The following FBXL17 variants were observed in gnomAD, a reference collection of about 807,000 sequenced individuals.
FBXL17 encodes the protein F-box/LRR-repeat protein 17.
Under a neutral mutation model 66.2 loss-of-function variants are expected in FBXL17, and 22 were observed. The ratio of observed to expected loss-of-function variants is 0.33; its 90% CI spans 0.24 to 0.47. The LOEUF is 0.47. Among genes scored for constraint, FBXL17 ranks in the 20% least tolerant of loss-of-function variants. FBXL17 has a pLI of 1.00. For missense variants in FBXL17, 878 were observed against 948.2 expected, an observed-to-expected ratio of 0.93 and a Z score of 0.97; for synonymous variants, 474 against 400.5, an observed-to-expected ratio of 1.18 and a Z score of -2.19.
intron 4 of FBXL17, among the ~76,000 whole-genome samples, chr5:108,322,344 C>T (rs1034894999): frequency 3.3e-5 from 5 of 151,808 alleles, no homozygotes; most frequent in African/African-American, 1.2e-4. Context: ...TTCTAGACAA[C>T]ACTTTCAGAG....
Position 108,292,191 on chromosome 5 carries a change from G to A in FBXL17, c.1506+56208C>T, listed in dbSNP as rs138260404. Among the ~76,000 whole-genome samples, 419 of 149,404 alleles carry A rather than the reference G, an allele frequency of 2.8e-3. 2 individuals are homozygous for A. The highest frequency in any genetic ancestry group is 9.8e-3 in the African/African-American group (396 of 40,530). ...GGCTGGAGTGCAATGGCGCGATCTT[G>A]GCTCACCGCAAGCTCCACCTCCCAG... On this transcript the variant is annotated intron_variant, in intron 4 of 8. Transcript: ENST00000542267.
At chr5:107,884,189 T>C (rs963174139) in intron 7 of FBXL17, among the ~76,000 whole-genome samples, 1 of 152,176 alleles carries the variant, frequency 6.6e-6, no homozygotes, top group African/African-American at 2.4e-5. Flanking sequence ...AACATAACTC[T>C]AAATTGTGAC....
At chr5:107,870,556 G>A (rs1748412108) in intron 8 of FBXL17, among the ~76,000 whole-genome samples, 1 of 151,912 alleles carries the variant, frequency 6.6e-6, no homozygotes, top group African/African-American at 2.4e-5. Context: ...CCATGATATG[G>A]AAGGAGAGGG....
At chr5:108,110,584 A>G (rs1427264333) in intron 6 of FBXL17, among the ~76,000 whole-genome samples, 2 of 152,180 alleles carry the variant, frequency 1.3e-5, no homozygotes, top group African/African-American at 4.8e-5. Flanking sequence ...CACAGAGGAG[A>G]AGAAGGCACA....
At chr5:107,948,101 T>TA (rs139276430) in intron 7 of FBXL17, among the ~76,000 whole-genome samples, 44 of 148,740 alleles carry the variant, frequency 3.0e-4, no homozygotes, top group South Asian at 8.5e-4. Context: ...GCACTATGGT[T>TA]AAAAAAAAAA....
In FBXL17 at chr5:108,109,600, GTTT is replaced by G. The variant is rs369476326; in HGVS notation, c.1745+76514_1745+76516del. Among the ~76,000 whole-genome samples the G allele has an allele frequency of 7.2e-5, 11 of 151,980 alleles. No homozygotes were observed. In the South Asian group the frequency reaches 2.3e-3, roughly 32 times the overall value. ...AACTTATATTTAAATACATTTGTAT[GTTT>G]TTTTTCTTGATTATCTGTCTTGTTA... On this transcript the variant is annotated intron_variant, in intron 6 of 8. Transcript: ENST00000542267.
At chr5:108,091,150 T>A (rs1749173876) in intron 6 of FBXL17, among the ~76,000 whole-genome samples, 1 of 152,184 alleles carries the variant, frequency 6.6e-6, no homozygotes, top group African/African-American at 2.4e-5. Context: ...TCTGTGTGAA[T>A]CAAAATTCTT....
rs114971338 is a variant in FBXL17 at position 108,105,140 on chromosome 5, C to T, written c.1745+80977G>A. 1.5e-3 allele frequency among the ~76,000 whole-genome samples: 221 copies of T among 152,208 alleles called. 1 individual carries two copies. The highest frequency in any genetic ancestry group is 5.2e-3 in the African/African-American group (216 of 41,534). ...ACAGGCGTGAGCCACCACACCTGGC[C>T]GTGATTTTTTTAATGTATGAATTGC... On this transcript the variant is annotated intron_variant, in intron 6 of 8. Transcript: ENST00000542267.
chr5:108,318,776 C>T (rs984295799), intron 4 of FBXL17, among the ~76,000 whole-genome samples: 2 of 151,846 alleles, frequency 1.3e-5, no homozygotes, highest in Non-Finnish European at 2.9e-5. Context: ...TTTAATATTT[C>T]CATCTATGGT....
chr5:107,970,459 C>T (rs1023598501), intron 7 of FBXL17, among the ~76,000 whole-genome samples: 2 of 152,156 alleles, frequency 1.3e-5, no homozygotes, highest in Admixed American at 1.3e-4. Flanking sequence ...CAGCTGCTAC[C>T]GCTTCTGCCC....
At chr5:108,076,986 G>A (rs1748577437) in intron 6 of FBXL17, among the ~76,000 whole-genome samples, 1 of 152,088 alleles carries the variant, frequency 6.6e-6, no homozygotes, top group South Asian at 2.1e-4. Context: ...TTGTCTATAT[G>A]GTTCTTTTAC....
chr5:107,949,883 G>C (rs1751440817), intron 7 of FBXL17, among the ~76,000 whole-genome samples: 1 of 152,296 alleles, frequency 6.6e-6, no homozygotes, highest in Non-Finnish European at 1.5e-5. Flanking sequence ...CAAGCTGCTT[G>C]GTTCCTGAGT....
chr5:108,116,193 C>T (rs1392838341), intron 6 of FBXL17, among the ~76,000 whole-genome samples: 1 of 151,964 alleles, frequency 6.6e-6, no homozygotes, highest in Non-Finnish European at 1.5e-5. Context: ...GGTTTCTCTG[C>T]CTTATATACG....
intron 4 of FBXL17, among the ~76,000 whole-genome samples, chr5:108,310,267 G>C (rs1759053695): frequency 1.3e-5 from 2 of 152,110 alleles, no homozygotes; most frequent in Admixed American, 1.3e-4. Flanking sequence ...GCAATGCTAA[G>C]AGAAAAGCAC....
At chr5:107,989,913 C>T (rs758208735) in intron 7 of FBXL17, among the ~76,000 whole-genome samples, 1 of 152,114 alleles carries the variant, frequency 6.6e-6, no homozygotes, top group Non-Finnish European at 1.5e-5. Flanking sequence ...TCCTGGACTT[C>T]TACATGAAAA....
At chr5:108,273,011 C>T (rs1300700643) in intron 4 of FBXL17, among the ~76,000 whole-genome samples, 2 of 151,946 alleles carry the variant, frequency 1.3e-5, no homozygotes, top group Non-Finnish European at 2.9e-5. Context: ...GCTGGGCATC[C>T]GGGGGAGACA....
intron 7 of FBXL17, among the ~76,000 whole-genome samples, chr5:107,944,222 A>C (rs1324049230): frequency 6.6e-6 from 1 of 152,150 alleles, no homozygotes; most frequent in Non-Finnish European, 1.5e-5. Flanking sequence ...TCATTCTTCT[A>C]TTTACACATC....
intron 7 of FBXL17, among the ~76,000 whole-genome samples, chr5:107,958,945 T>G (rs1259018553): frequency 6.6e-6 from 1 of 152,204 alleles, no homozygotes; most frequent in Non-Finnish European, 1.5e-5. Flanking sequence ...TATTAGAGTT[T>G]AAAATGTCAA....
intron 1 of FBXL17, among the ~76,000 whole-genome samples, chr5:108,370,644 G>C (rs771774813): frequency 4.1e-4 from 62 of 152,138 alleles, no homozygotes; most frequent in Non-Finnish European, 6.9e-4. Context: ...TCAGGAGGCT[G>C]AGGCAGGAGA....
Sources: gnomAD v4.1 joint callset for allele counts (sites outside exome capture counted in the v4.1 genomes callset) on GRCh38, gnomAD v4.1.1 for gene constraint, MANE v1.5 for transcripts, NCBI Gene and HGNC (gene_info 2026-07-23, HGNC 2026-07-21) for gene names.